Variants in SPECC1L observed in about 807,000 individuals in gnomAD.
SPECC1L encodes the protein cytospin-A.
In SPECC1L, 40 loss-of-function variants were observed where a neutral mutation model predicts 116.8. That is an observed-to-expected ratio of 0.34 (90% CI 0.27 to 0.45). The LOEUF (loss-of-function observed/expected upper bound fraction) is 0.45. SPECC1L is among the 20% of genes least tolerant of loss of function. The pLI, the probability that SPECC1L is intolerant of heterozygous loss-of-function variation, is 1.00. For synonymous variants in SPECC1L, 504 were observed against 500.6 expected, an observed-to-expected ratio of 1.01 and a Z score of -0.09; for missense variants, 1,110 against 1,373.6, an observed-to-expected ratio of 0.81 and a Z score of 3.03.
chr22:24,313,269 T>C, intron 3 of SPECC1L, 44 bp from the exon 4 acceptor site: 1 of 1,606,896 alleles, frequency 6.2e-7, no homozygotes, highest in South Asian at 1.1e-5. Context: ...ATATCTAATC[T>C]TGCTTGATCT....
intron 3 of SPECC1L, among the ~76,000 whole-genome samples, chr22:24,311,306 A>G (rs953899013): frequency 2.6e-5 from 4 of 152,218 alleles, no homozygotes; most frequent in Non-Finnish European, 4.4e-5. Context: ...CTTACGGAGG[A>G]AGAAAGATTA....
chr22:24,327,277 C>CAA (rs58725731), intron 6 of SPECC1L, among the ~76,000 whole-genome samples: 899 of 41,744 alleles, frequency 0.022, 38 homozygotes, highest in East Asian at 0.035. Context: ...GACTCCGTCT[C>CAA]AAAAAAAAAA....
intron 14 of SPECC1L, among the ~76,000 whole-genome samples, chr22:24,409,092 C>T (rs28655910): frequency 0.025 from 3,792 of 152,264 alleles, 154 homozygotes; most frequent in South Asian, 0.12. Flanking sequence ...AAAGAGGGGT[C>T]AGGATTCGTA....
chr22:24,375,206 G>C (rs187057824), intron 14 of SPECC1L, among the ~76,000 whole-genome samples: 1 of 152,098 alleles, frequency 6.6e-6, no homozygotes, highest in Non-Finnish European at 1.5e-5. Context: ...GCAAAGAGAA[G>C]CCCAGGACCA....
intron 10 of SPECC1L, 122 bp from the exon 11 acceptor site, chr22:24,346,964 T>C: frequency 1.2e-6 from 1 of 816,122 alleles, no homozygotes; most frequent in Non-Finnish European, 2.1e-6. Context: ...GTTACAACCT[T>C]ACTATAGCAG....
chr22:24,334,542 C>T lies in SPECC1L; in HGVS notation c.2529C>T (p.Thr843=), dbSNP rs1237541516. ...TSSEPTPTVK[T]LIKSFDSASQ... is the part of the protein sequence containing the mutation. ...CAGAGCCAACTCCTACAGTAAAAAC[C>T]CTCATCAAGTCCTTTGACAGTGCAT... The change falls in exon 9 of 17, where the codon ACC becomes ACT. Residue 843 remains threonine, a synonymous_variant. Coordinates refer to ENST00000314328, the MANE Select transcript of SPECC1L (RefSeq NM_015330.6). 6.2e-7 allele frequency: 1 copy of T among 1,614,124 alleles called. No homozygotes were observed.
At chr22:24,396,248 A>G (rs1437123137) in intron 14 of SPECC1L, among the ~76,000 whole-genome samples, 1 of 152,096 alleles carries the variant, frequency 6.6e-6, no homozygotes, top group East Asian at 1.9e-4. Flanking sequence ...AAGGAGGAAC[A>G]GAATGCAGTC....
intron 10 of SPECC1L, among the ~76,000 whole-genome samples, chr22:24,340,348 C>CG (rs756563125): frequency 6.6e-5 from 10 of 151,830 alleles, no homozygotes; most frequent in African/African-American, 2.4e-5. Context: ...GTTTTAACCA[C>CG]GTTGGCCAAG....
intron 3 of SPECC1L, among the ~76,000 whole-genome samples, chr22:24,305,648 G>A (rs1367703566): frequency 6.6e-6 from 1 of 152,106 alleles, no homozygotes; most frequent in African/African-American, 2.4e-5. Flanking sequence ...TTATATGTGT[G>A]TATTAATACA....
intron 14 of SPECC1L, among the ~76,000 whole-genome samples, chr22:24,386,508 A>C (rs557836298): frequency 6.6e-6 from 1 of 152,174 alleles, no homozygotes; most frequent in Admixed American, 6.5e-5. Context: ...AGACATGAGT[A>C]TGATGTAGGA....
At chr22:24,314,645 A>G (rs1340842947) in intron 4 of SPECC1L, among the ~76,000 whole-genome samples, 2 of 152,224 alleles carry the variant, frequency 1.3e-5, no homozygotes, top group African/African-American at 2.4e-5. Context: ...GTTTCTGAGC[A>G]TGTGGATTTT....
chr22:24,388,479 C>T (rs1270577005), intron 14 of SPECC1L, among the ~76,000 whole-genome samples: 2 of 151,838 alleles, frequency 1.3e-5, no homozygotes, highest in African/African-American at 4.8e-5. Flanking sequence ...TTAATCCAGT[C>T]TATCATTGTT....
chr22:24,412,026 C>A (rs1377980493), intron 15 of SPECC1L: 2 of 432,692 alleles, frequency 4.6e-6, no homozygotes, highest in African/African-American at 4.0e-5. Context: ...CAGGAGTAGT[C>A]AGGCAGTGCT....
intron 14 of SPECC1L, among the ~76,000 whole-genome samples, chr22:24,405,466 C>T (rs745386331): frequency 6.6e-6 from 1 of 151,970 alleles, no homozygotes; most frequent in African/African-American, 2.4e-5. Context: ...GATTCTGTTG[C>T]GTGTTGGTGT....
At chr22:24,390,983 C>G (rs1158859759) in intron 14 of SPECC1L, among the ~76,000 whole-genome samples, 1 of 141,706 alleles carries the variant, frequency 7.1e-6, no homozygotes, top group Non-Finnish European at 1.5e-5. Context: ...TCAAGCGATT[C>G]TCCTGCCTCA....
At chr22:24,299,743 T>C (rs1406264897) in intron 2 of SPECC1L, among the ~76,000 whole-genome samples, 1 of 152,160 alleles carries the variant, frequency 6.6e-6, no homozygotes, top group Non-Finnish European at 1.5e-5. Flanking sequence ...GTAATTTATA[T>C]GTCATACAAT....
chr22:24,331,085 A>C (rs1156914922), intron 8 of SPECC1L, among the ~76,000 whole-genome samples: 1 of 152,200 alleles, frequency 6.6e-6, no homozygotes, highest in African/African-American at 2.4e-5. Flanking sequence ...TTCCCCATGT[A>C]ACATAGACAT....
rs907830984 is a variant in SPECC1L at position 24,321,857 on chromosome 22, T to A, written c.877T>A (p.Ser293Thr). The change falls in exon 5 of 17, where the codon TCC becomes ACC. Residue 293 changes from serine to threonine, a missense_variant. Physicochemically the swap from Ser to Thr is moderately conservative, Grantham distance 58. Around this residue, in one of 4 missense-constraint regions of SPECC1L, gnomAD observed 437 missense variants for 482.6 expected, o/e 0.91. Coordinates refer to ENST00000314328, the MANE Select transcript of SPECC1L (RefSeq NM_015330.6). ...TTCTGAAAAACTGTTTGGCTATCAG[T>A]CCCTGAGCCCAGAAATCACCCCTGG... ...DNSEKLFGYQ[S>T]LSPEITPGNQ... 8 of 1,614,080 alleles carry A rather than the reference T, an allele frequency of 5.0e-6. No individual in the cohort carries two copies. The African/African-American group carries it at 1.1e-4, about 22-fold the overall frequency.
At chr22:24,365,230 A>T (rs903464678) in intron 12 of SPECC1L, among the ~76,000 whole-genome samples, 1 of 151,858 alleles carries the variant, frequency 6.6e-6, no homozygotes, top group East Asian at 1.9e-4. Flanking sequence ...CTGGTCTGGA[A>T]CTCCTGACCT....
Sources: allele counts gnomAD v4.1 joint callset (sites outside exome capture counted in the v4.1 genomes callset), GRCh38; gene constraint gnomAD v4.1.1; regional missense constraint gnomAD v4.1.1; transcripts MANE v1.5; gene names NCBI Gene and HGNC (gene_info 2026-07-23, HGNC 2026-07-21).